SLCO3A1: variants seen among roughly 807,000 people sequenced by gnomAD.
SLCO3A1 encodes PGE1 transporter.
In SLCO3A1, 27 loss-of-function variants were observed where a neutral mutation model predicts 63.1. That is an observed-to-expected ratio of 0.43 (90% confidence interval 0.32 to 0.59). SLCO3A1 has a LOEUF of 0.59. Among genes scored for constraint, SLCO3A1 ranks in the 20% least tolerant of loss-of-function variants. SLCO3A1 has a pLI of 0.09. For missense variants in SLCO3A1, 773 were observed against 945.8 expected, an observed-to-expected ratio of 0.82 and a Z score of 2.40; for synonymous variants, 473 against 409.9, an observed-to-expected ratio of 1.15 and a Z score of -1.86.
rs1022029170 is a variant in SLCO3A1, at chr15:91,897,550, C to T, written c.181-18443C>T. 3.3e-5 allele frequency among the ~76,000 whole-genome samples: 5 copies of T among 152,200 alleles called. No individual in the cohort carries two copies. Among genetic ancestry groups the T allele is most frequent in the African/African-American group, 1.2e-4 (5 of 41,456 alleles). On this transcript the variant is annotated intron_variant, in intron 1 of 9. Transcript: ENST00000318445. This position sits in a 1 kb window ranked among gnomAD's most constrained non-coding sequence, Gnocchi z 4.7. Reference sequence around the variant, plus strand: ...AATTTCTTTGGATCAAAATAAAAAACTCAACAGGCTTCTTCTGATTTCTGA... The same window carrying T: ...AATTTCTTTGGATCAAAATAAAAAATTCAACAGGCTTCTTCTGATTTCTGA...
At chr15:91,926,575 G>GTA (rs1899022911) in intron 2 of SLCO3A1, among the ~76,000 whole-genome samples, 1 of 97,946 alleles carries the variant, frequency 1.0e-5, no homozygotes, top group Non-Finnish European at 2.2e-5. Context: ...GTGTGTGTGT[G>GTA]TGTGTGTGTG....
intron 2 of SLCO3A1, among the ~76,000 whole-genome samples, chr15:92,017,063 A>G (rs1420113258): frequency 6.6e-6 from 1 of 152,184 alleles, no homozygotes; most frequent in African/African-American, 2.4e-5. Context: ...GAGTGAACAG[A>G]TAAAGGAGGA....
chr15:92,025,026 T>C (rs80104927), intron 2 of SLCO3A1, among the ~76,000 whole-genome samples: 2 of 109,046 alleles, frequency 1.8e-5, no homozygotes, highest in South Asian at 3.3e-4. Flanking sequence ...TCCATCCATC[T>C]GTCTATCCAT....
chr15:92,164,191 C>G lies in SLCO3A1; in HGVS notation c.*1056C>G. On this transcript the variant is annotated 3_prime_UTR_variant, in exon 10 of 10. Coordinates refer to ENST00000318445, the MANE Select transcript of SLCO3A1 (RefSeq NM_013272.4). ...TATGCTGGTTGCTTTTACTTTTTTTCTCCTTTTTTAATGCACCAAAAATAT... is the reference window on the plus strand; with the variant it reads ...TATGCTGGTTGCTTTTACTTTTTTTGTCCTTTTTTAATGCACCAAAAATAT... 1 of 985,110 alleles carries G rather than the reference C, an allele frequency of 1.0e-6. No homozygotes were observed. Among genetic ancestry groups the G allele is most frequent in the Non-Finnish European group, 1.2e-6 (1 of 829,816 alleles). 61.0% of individuals were successfully genotyped at this position (985,110 alleles called of 1,614,324 possible).
At chr15:92,152,220 A>C (rs1398179678) in intron 9 of SLCO3A1, among the ~76,000 whole-genome samples, 2 of 152,244 alleles carry the variant, frequency 1.3e-5, no homozygotes. Context: ...CCGATATATG[A>C]AAGAAAAATA....
chr15:92,081,367 T>C (rs1289548031), intron 2 of SLCO3A1, among the ~76,000 whole-genome samples: 2 of 151,982 alleles, frequency 1.3e-5, no homozygotes, highest in Non-Finnish European at 2.9e-5. Context: ...TCTCCTTTTT[T>C]TGAGACAGAG....
At chr15:92,136,968 C>CTTTTTTTTTTTT (rs60449563) in intron 7 of SLCO3A1, among the ~76,000 whole-genome samples, 1 of 141,066 alleles carries the variant, frequency 7.1e-6, no homozygotes, top group Non-Finnish European at 1.5e-5. Flanking sequence ...AGTAGTCTGT[C>CTTTTTTTTTTTT]TTTTTTTTTT....
In SLCO3A1 at chr15:92,162,895, C is replaced by T. The variant is rs375502434; in HGVS notation, c.1893C>T (p.Ile631=). The change falls in exon 10 of 10, where the codon ATC becomes ATT. Residue 631 remains isoleucine, a synonymous_variant. Transcript: ENST00000318445. The part of the protein sequence containing the change: ...VYRYLYVSIA[I]ALKSFAFILY... The stretch of plus-strand genomic sequence containing the variant: ...GATACCTGTATGTCAGCATCGCCAT[C>T]GCGCTCAAATCCTTCGCCTTCATCC... 6.8e-6 allele frequency: 11 copies of T among 1,614,092 alleles called. No individual in the cohort carries two copies. The highest frequency in any genetic ancestry group is 1.3e-5 in the African/African-American group (1 of 74,922).
intron 2 of SLCO3A1, among the ~76,000 whole-genome samples, chr15:92,012,968 C>T (rs1286404876): frequency 6.6e-6 from 1 of 152,196 alleles, no homozygotes; most frequent in African/African-American, 2.4e-5. Context: ...TCAAAGCTCT[C>T]ACAGCCTGAA....
downstream of SLCO3A1, among the ~76,000 whole-genome samples, chr15:92,170,498 T>C (rs1302233370): frequency 6.6e-6 from 1 of 152,164 alleles, no homozygotes; most frequent in African/African-American, 2.4e-5. Context: ...ATCACATAGC[T>C]AGTTTATAAA....
intron 9 of SLCO3A1, among the ~76,000 whole-genome samples, chr15:92,155,822 G>T (rs2048363851): frequency 6.6e-6 from 1 of 152,166 alleles, no homozygotes; most frequent in Non-Finnish European, 1.5e-5. Flanking sequence ...CTGAGGCTAT[G>T]GAGAAGCCTT....
intron 2 of SLCO3A1, among the ~76,000 whole-genome samples, chr15:92,080,189 G>A (rs557366549): frequency 9.2e-5 from 14 of 152,260 alleles, no homozygotes; most frequent in Admixed American, 3.3e-4. Flanking sequence ...GTGGGATATC[G>A]TTATACAAAT....
At chr15:91,958,984 G>A (rs1567038769) in intron 2 of SLCO3A1, among the ~76,000 whole-genome samples, 1 of 152,240 alleles carries the variant, frequency 6.6e-6, no homozygotes, top group East Asian at 1.9e-4. Flanking sequence ...GTTTATAGCA[G>A]CACAGCTTAC....
intron 1 of SLCO3A1, among the ~76,000 whole-genome samples, chr15:91,873,448 A>G (rs982047051): frequency 2.0e-5 from 3 of 152,064 alleles, no homozygotes; most frequent in African/African-American, 7.2e-5. Context: ...ATTATAGTAC[A>G]GTGGACACCC....
intron 8 of SLCO3A1, 129 bp downstream of exon 8, chr15:92,147,288 G>A (rs151151120): frequency 3.6e-5 from 31 of 865,760 alleles, no homozygotes; most frequent in East Asian, 1.0e-4. Flanking sequence ...AGCAAGGAGC[G>A]CAGCTTCTCT....
At chr15:92,124,121 G>T (rs2047893979) in intron 5 of SLCO3A1, among the ~76,000 whole-genome samples, 6 of 152,192 alleles carry the variant, frequency 3.9e-5, no homozygotes, top group Admixed American at 3.9e-4. Flanking sequence ...CAGAGCATCA[G>T]CACTGGCCCC....
intron 1 of SLCO3A1, among the ~76,000 whole-genome samples, chr15:91,857,392 T>G (rs956738560): frequency 1.3e-5 from 2 of 152,164 alleles, no homozygotes; most frequent in African/African-American, 4.8e-5. Flanking sequence ...AAACCAATAG[T>G]CACAGGGATG....
rs902060071 is a variant in SLCO3A1, at chr15:92,122,025, G to C, written c.1174+1396G>C. ...GGACTTAGCCAGGGGAGAAAGGAGA[G>C]AGGACATGGCCTGTGGCATGTGTTG... On this transcript the variant is annotated intron_variant, in intron 5 of 9. Coordinates refer to ENST00000318445, the MANE Select transcript of SLCO3A1 (RefSeq NM_013272.4). Among the ~76,000 whole-genome samples, 36 of 152,300 alleles carry C rather than the reference G, an allele frequency of 2.4e-4. 1 individual carries two copies. Among genetic ancestry groups the C allele is most frequent in the Admixed American group, 1.5e-3 (23 of 15,292 alleles).
chr15:92,009,369 C>G (rs1481714053), intron 2 of SLCO3A1, among the ~76,000 whole-genome samples: 1 of 152,186 alleles, frequency 6.6e-6, no homozygotes, highest in Non-Finnish European at 1.5e-5. Context: ...CATTCTGTCA[C>G]TCAGGAGCCT....
Sources: allele counts gnomAD v4.1 joint callset (sites outside exome capture counted in the v4.1 genomes callset), GRCh38; gene constraint gnomAD v4.1.1; non-coding constraint Gnocchi (gnomAD v3.1); transcripts MANE v1.5; gene names NCBI Gene and HGNC (gene_info 2026-07-23, HGNC 2026-07-21).